ZBTB11: variants seen among roughly 807,000 people sequenced by gnomAD.
ZBTB11 encodes zinc finger and BTB domain containing 11.
ZBTB11 carries 68 observed loss-of-function variants against 113.1 expected under a neutral mutation model. The observed-to-expected ratio is 0.60, with a 90% CI of 0.49 to 0.74. ZBTB11 has a LOEUF of 0.74. Ranked by LOEUF, ZBTB11 falls within the 30% of genes least tolerant of loss-of-function variation. ZBTB11 has a pLI of 0.00. For synonymous variants in ZBTB11, 518 were observed against 452.6 expected, an observed-to-expected ratio of 1.14 and a Z score of -1.83; for missense variants, 1,104 against 1,279.4, an observed-to-expected ratio of 0.86 and a Z score of 2.09.
intron 3 of ZBTB11, among the ~76,000 whole-genome samples, chr3:101,669,947 G>A (rs1937061517): frequency 6.6e-6 from 1 of 151,848 alleles, no homozygotes; most frequent in Non-Finnish European, 1.5e-5. Context: ...TCCTGCCTCA[G>A]CCTCCCGAGT....
intron 3 of ZBTB11, among the ~76,000 whole-genome samples, chr3:101,667,052 C>CT (rs1937009110): frequency 6.6e-6 from 1 of 152,052 alleles, no homozygotes; most frequent in Non-Finnish European, 1.5e-5. Flanking sequence ...ACTCGGCTTT[C>CT]TTTTTTATTT....
chr3:101,674,508 C>G (rs887075834), intron 1 of ZBTB11, among the ~76,000 whole-genome samples: 1 of 151,906 alleles, frequency 6.6e-6, no homozygotes, highest in African/African-American at 2.4e-5. Flanking sequence ...CTCAGGAGTT[C>G]GAGCCCAGCC....
At chr3:101,668,464 T>C (rs542615478) in intron 3 of ZBTB11, among the ~76,000 whole-genome samples, 19 of 152,086 alleles carry the variant, frequency 1.2e-4, no homozygotes, top group African/African-American at 4.6e-4. Context: ...TCCATCTCTA[T>C]AAACAAATGA....
intron 3 of ZBTB11, among the ~76,000 whole-genome samples, chr3:101,667,549 C>G (rs542598716): frequency 7.9e-4 from 121 of 152,274 alleles, no homozygotes; most frequent in African/African-American, 2.8e-3. Flanking sequence ...AACAAACATA[C>G]AGAGAAGCCT....
chr3:101,673,433 G>C (rs1937112779), intron 1 of ZBTB11, among the ~76,000 whole-genome samples: 1 of 152,128 alleles, frequency 6.6e-6, no homozygotes, highest in Non-Finnish European at 1.5e-5. Flanking sequence ...AAATGAAAAG[G>C]TTATGAGGTA....
Position 101,676,974 on chromosome 3 carries a change from C to G in ZBTB11, c.-60G>C. ...GACAGGTGAGGAAAACGGCCCGCTA[C>G]CTACGGGCGGCTGCAGGAGGAGCGG... On this transcript the variant is annotated 5_prime_UTR_variant, in exon 1 of 11. Transcript: ENST00000312938. 6.7e-7 allele frequency: 1 copy of G among 1,483,702 alleles called. No homozygotes were observed. Among genetic ancestry groups the G allele is most frequent in the South Asian group, 1.4e-5 (1 of 73,240 alleles). 91.9% of individuals were successfully genotyped at this position (1,483,702 alleles called of 1,614,324 possible). A position where few individuals can be genotyped will look rare whatever the true frequency, so the allele number is the denominator to read the frequency against.
intron 5 of ZBTB11, among the ~76,000 whole-genome samples, chr3:101,661,233 C>CAAAAA (rs36039635): frequency 9.3e-6 from 1 of 107,238 alleles, no homozygotes; most frequent in African/African-American, 3.2e-5. Context: ...GACCCTGTCT[C>CAAAAA]AAAAAAAAAA....
chr3:101,654,366 T>C (rs80264702), intron 8 of ZBTB11, among the ~76,000 whole-genome samples: 1,797 of 152,208 alleles, frequency 0.012, 39 homozygotes, highest in African/African-American at 0.041. Context: ...TATATGAATT[T>C]TACCTCGATT....
intron 3 of ZBTB11, among the ~76,000 whole-genome samples, chr3:101,667,661 CT>C (rs200936628): frequency 6.6e-6 from 1 of 151,346 alleles, no homozygotes; most frequent in African/African-American, 2.4e-5. Flanking sequence ...AAAGCTAATT[CT>C]TTTTTTTTGT....
Position 101,659,872 on chromosome 3 carries a change from A to G in ZBTB11, c.1957T>C (p.Cys653Arg). Reference sequence around the variant, plus strand: ...GGTAATGTTCTTCCACATATGGAACATATAAATTCCCGCTTGGTTCTGCCC... The same window carrying G: ...GGTAATGTTCTTCCACATATGGAACGTATAAATTCCCGCTTGGTTCTGCCC... Reference protein sequence around the residue: ...EKGRTKREFICSICGRTLPKL... With the variant: ...EKGRTKREFIRSICGRTLPKL... The change falls in exon 6 of 11, where the codon TGT (cysteine) becomes CGT (arginine). Residue 653 changes from cysteine to arginine, a missense_variant. Transcript: ENST00000312938. 1 of 1,614,234 alleles carries G rather than the reference A, an allele frequency of 6.2e-7. No homozygotes were observed. Among genetic ancestry groups the G allele is most frequent in the Non-Finnish European group, 8.5e-7 (1 of 1,180,030 alleles).
At chr3:101,671,792 T>C in intron 2 of ZBTB11, 186 bp downstream of exon 2, 1 of 612,232 alleles carries the variant, frequency 1.6e-6, no homozygotes, top group East Asian at 2.7e-5. Context: ...ATTAAGTTCA[T>C]TCTGAAAAAA....
At chr3:101,656,272 A>G (rs1576644746) in intron 6 of ZBTB11, 24 bp from the exon 7 acceptor site, 1 of 1,374,544 alleles carries the variant, frequency 7.3e-7, no homozygotes, top group Non-Finnish European at 9.5e-7. Flanking sequence ...GGGGTGATTA[A>G]GTCAATAAAA....
intron 6 of ZBTB11, among the ~76,000 whole-genome samples, chr3:101,656,613 G>A (rs1003808061): frequency 6.6e-6 from 1 of 152,090 alleles, no homozygotes; most frequent in African/African-American, 2.4e-5. Context: ...CTAGAACAGT[G>A]CTTTTCAAAC....
At chr3:101,654,423 G>A (rs576312912) in intron 8 of ZBTB11, among the ~76,000 whole-genome samples, 7 of 152,144 alleles carry the variant, frequency 4.6e-5, no homozygotes, top group Non-Finnish European at 8.8e-5. Context: ...GAAGAAGAGG[G>A]GGGGAAAGAA....
intron 6 of ZBTB11, among the ~76,000 whole-genome samples, chr3:101,658,262 G>A (rs1014920683): frequency 1.4e-5 from 2 of 145,426 alleles, no homozygotes; most frequent in Admixed American, 7.0e-5. Context: ...GTCTCACTCT[G>A]TCGCCCAGGC....
rs1486436745 is a variant in ZBTB11 at position 101,677,123 on chromosome 3, G to T, written c.-209C>A. On this transcript the variant is annotated 5_prime_UTR_variant, in exon 1 of 11. Coordinates refer to ENST00000312938, the MANE Select transcript of ZBTB11 (RefSeq NM_014415.4). ...TGCACTTCTCCAGCGCGCGGGATCC[G>T]CTGGCGACTGACAAAATGGCTGCTG... is the stretch of plus-strand genomic sequence containing the variant. The T allele has an allele frequency of 7.2e-6, 4 of 554,040 alleles. No individual in the cohort carries two copies. Among genetic ancestry groups the T allele is most frequent in the South Asian group, 5.3e-5 (2 of 38,090 alleles). 34.3% of individuals were successfully genotyped at this position (554,040 alleles called of 1,614,324 possible).
At chr3:101,655,006 T>C (rs547061744) in intron 7 of ZBTB11, among the ~76,000 whole-genome samples, 185 bp from the exon 8 acceptor site, 12 of 152,112 alleles carry the variant, frequency 7.9e-5, no homozygotes, top group Middle Eastern at 3.4e-3. Flanking sequence ...GCTTCCCGAG[T>C]AGCTGGGACT....
In ZBTB11 at chr3:101,676,953, G is replaced by T; in HGVS notation, c.-39C>A. 1 of 1,509,868 alleles carries T rather than the reference G, an allele frequency of 6.6e-7. No homozygotes were observed. The highest frequency in any genetic ancestry group is 8.9e-7 in the Non-Finnish European group (1 of 1,128,802). 93.5% of individuals were successfully genotyped at this position (1,509,868 alleles called of 1,614,324 possible). A position where few individuals can be genotyped will look rare whatever the true frequency, so the allele number is the denominator to read the frequency against. The stretch of plus-strand genomic sequence containing the variant: ...TCCCTGAGGGCGCCTGTCAGGGACA[G>T]GTGAGGAAAACGGCCCGCTACCTAC... On this transcript the variant is annotated 5_prime_UTR_variant, in exon 1 of 11. In the 5' UTR this introduces an upstream ATG that the reference lacks. Transcript: ENST00000312938.
intron 3 of ZBTB11, among the ~76,000 whole-genome samples, chr3:101,669,518 C>T (rs559474142): frequency 1.2e-4 from 19 of 152,134 alleles, no homozygotes; most frequent in Non-Finnish European, 2.8e-4. Flanking sequence ...TTGCTATAAA[C>T]TGCTGAGAAA....
Sources: gnomAD v4.1 joint callset for allele counts (sites outside exome capture counted in the v4.1 genomes callset) on GRCh38, gnomAD v4.1.1 for gene constraint, MANE v1.5 for transcripts, NCBI Gene and HGNC (gene_info 2026-07-23, HGNC 2026-07-21) for gene names.